RBFOX1: variants seen among roughly 807,000 people sequenced by gnomAD.
The protein encoded by RBFOX1 is RNA binding protein fox-1 homolog 1.
In RBFOX1, 8 loss-of-function variants were observed where a neutral mutation model predicts 57.7. The ratio of observed to expected loss-of-function variants is 0.14; its 90% CI spans 0.08 to 0.25. The LOEUF (loss-of-function observed/expected upper bound fraction) is 0.25. RBFOX1 is among the 10% of genes least tolerant of loss of function. RBFOX1 has a pLI of 1.00. For synonymous variants in RBFOX1, 326 were observed against 222.4 expected (o/e 1.47, Z -4.15); for missense variants, 611 against 548.5 (o/e 1.11, Z -1.14).
At chr16:6,515,546 AT>A (rs1567519408) in intron 2 of RBFOX1, among the ~76,000 whole-genome samples, 3 of 152,084 alleles carry the variant, frequency 2.0e-5, no homozygotes. Context: ...GAGAGCAGAC[AT>A]TTATGAACCT....
rs187250564 is a variant in RBFOX1, at chr16:5,742,754, C to A, written c.319-124549C>A. On this transcript the variant is annotated intron_variant, in intron 3 of 19. Transcript: ENST00000641259. ...GAGGACCTTGTTTACGTCTAGATAG[C>A]GTTTATGGAAGAAGGAGGCTTCAAA... Among the ~76,000 whole-genome samples, 109 of 152,228 alleles carry A rather than the reference C, an allele frequency of 7.2e-4. 1 individual carries two copies. The highest frequency in any genetic ancestry group is 2.4e-3 in the African/African-American group (98 of 41,524).
At chr16:7,351,027 T>C (rs1251820104) in intron 4 of RBFOX1, among the ~76,000 whole-genome samples, 1 of 152,250 alleles carries the variant, frequency 6.6e-6, no homozygotes, top group Non-Finnish European at 1.5e-5. Context: ...CATGTGCCCA[T>C]GGACTAGGTT....
intron 2 of RBFOX1, among the ~76,000 whole-genome samples, chr16:6,383,536 A>C (rs942281922): frequency 6.6e-6 from 1 of 152,166 alleles, no homozygotes; most frequent in Admixed American, 6.5e-5. Flanking sequence ...GTATTTTGGG[A>C]GGCTGAGGTG....
intron 3 of RBFOX1, among the ~76,000 whole-genome samples, chr16:6,990,290 C>T (rs28437633): frequency 0.036 from 5,506 of 151,792 alleles, 352 homozygotes; most frequent in African/African-American, 0.13. Flanking sequence ...TTTGGGAGGC[C>T]GAGGCGGGTG....
intron 3 of RBFOX1, among the ~76,000 whole-genome samples, chr16:6,981,113 CTTTT>C (rs1253873026): frequency 6.8e-6 from 1 of 147,932 alleles, no homozygotes; most frequent in Non-Finnish European, 1.5e-5. Context: ...TAAGTAAACT[CTTTT>C]TTTATTTTTT....
intron 3 of RBFOX1, among the ~76,000 whole-genome samples, chr16:5,686,309 T>A (rs2050503644): frequency 6.6e-6 from 1 of 152,200 alleles, no homozygotes; most frequent in African/African-American, 2.4e-5. Flanking sequence ...TGATGTTCTG[T>A]TTGTTTAAGG....
intron 3 of RBFOX1, among the ~76,000 whole-genome samples, chr16:7,024,462 A>G (rs769216153): frequency 6.6e-6 from 1 of 152,198 alleles, no homozygotes; most frequent in African/African-American, 2.4e-5. Flanking sequence ...TTTATAATCC[A>G]TAGCTTCTCT....
At chr16:7,496,674 G>T in intron 4 of RBFOX1, among the ~76,000 whole-genome samples, 1 of 127,728 alleles carries the variant, frequency 7.8e-6, no homozygotes, top group Non-Finnish European at 1.6e-5. Context: ...TTCCAACAAT[G>T]TAAACCTTAA....
At chr16:5,387,599 CAT>C (rs1379082535) in intron 1 of RBFOX1, among the ~76,000 whole-genome samples, 1 of 152,168 alleles carries the variant, frequency 6.6e-6, no homozygotes, top group Non-Finnish European at 1.5e-5. Context: ...TTGACTGAAA[CAT>C]AATCTCACGG....
chr16:5,390,692 C>T (rs76994965), intron 1 of RBFOX1, among the ~76,000 whole-genome samples: 1 of 152,146 alleles, frequency 6.6e-6, no homozygotes, highest in South Asian at 2.1e-4. Context: ...AGCTCTACCC[C>T]TCTACCCCAT....
At chr16:5,989,853 CA>C (rs1204943327) in intron 4 of RBFOX1, among the ~76,000 whole-genome samples, 2 of 105,114 alleles carry the variant, frequency 1.9e-5, no homozygotes, top group African/African-American at 6.9e-5. Flanking sequence ...AACACACACA[CA>C]CACACACACA....
At chr16:5,698,332 T>G (rs2151476215) in intron 3 of RBFOX1, among the ~76,000 whole-genome samples, 1 of 152,252 alleles carries the variant, frequency 6.6e-6, no homozygotes, top group Non-Finnish European at 1.5e-5. Context: ...TTGGTAAAAT[T>G]TACCTGTAAT....
chr16:7,374,471 A>T (rs1596778237), intron 4 of RBFOX1, among the ~76,000 whole-genome samples: 1 of 152,292 alleles, frequency 6.6e-6, no homozygotes, highest in East Asian at 1.9e-4. Context: ...GATATGGTGT[A>T]ACTGTATCCA....
intron 4 of RBFOX1, among the ~76,000 whole-genome samples, chr16:7,438,396 A>C (rs560195682): frequency 6.4e-4 from 97 of 152,212 alleles, no homozygotes; most frequent in African/African-American, 2.0e-3. Context: ...AGACAGGTTC[A>C]TTTTATTAAA....
rs113663562 is a variant in RBFOX1 at position 7,001,299 on chromosome 16, A to C, written c.-15-50758A>C. Among the ~76,000 whole-genome samples the C allele has an allele frequency of 3.9e-3, 599 of 152,020 alleles. 2 individuals carry two copies. The highest frequency in any genetic ancestry group is 0.014 in the Middle Eastern group (4 of 294). Reference sequence around the variant, plus strand: ...AGATTCCTTGCTTTGTGAGGTGACAAGGTGTTCCTGGTCAACTTATGTATT... The same window carrying C: ...AGATTCCTTGCTTTGTGAGGTGACACGGTGTTCCTGGTCAACTTATGTATT... On this transcript the variant is annotated intron_variant, in intron 3 of 15. Transcript: ENST00000550418.
At chr16:5,350,755 A>G (rs146027644) in intron 1 of RBFOX1, among the ~76,000 whole-genome samples, 60 of 152,160 alleles carry the variant, frequency 3.9e-4, no homozygotes, top group Non-Finnish European at 4.1e-4. Context: ...AACCCCAGCT[A>G]CTCAGGAGAC....
chr16:6,620,204 A>G (rs560944091), intron 2 of RBFOX1, among the ~76,000 whole-genome samples: 2 of 152,342 alleles, frequency 1.3e-5, no homozygotes, highest in South Asian at 2.1e-4. Flanking sequence ...ACTCAAAACC[A>G]TACAGTTACA....
At chr16:6,702,115 A>T (rs1603444095) in intron 3 of RBFOX1, among the ~76,000 whole-genome samples, 1 of 151,912 alleles carries the variant, frequency 6.6e-6, no homozygotes, top group African/African-American at 2.4e-5. Flanking sequence ...AAAAAATTAG[A>T]CCTCGTGGTA....
chr16:7,668,454 G>T (rs981283002), intron 13 of RBFOX1, among the ~76,000 whole-genome samples: 1 of 152,164 alleles, frequency 6.6e-6, no homozygotes, highest in Non-Finnish European at 1.5e-5. Flanking sequence ...AAAAAACCAG[G>T]ACAGCTCATT....
Sources: allele counts gnomAD v4.1 joint callset (sites outside exome capture counted in the v4.1 genomes callset), GRCh38; gene constraint gnomAD v4.1.1; transcripts MANE v1.5; gene names NCBI Gene and HGNC (gene_info 2026-07-23, HGNC 2026-07-21).